Variants in GEMIN5 observed in about 807,000 individuals in gnomAD.
The protein encoded by GEMIN5 is gem nuclear organelle associated protein 5, also known as gem-associated protein 5.
A neutral mutation model predicts 176.9 loss-of-function variants in GEMIN5; 124 were observed. The ratio of observed to expected loss-of-function variants is 0.70; its 90% confidence interval spans 0.61 to 0.81. The LOEUF (loss-of-function observed/expected upper bound fraction) is 0.81, where lower values mean the gene tolerates loss of function less well. GEMIN5 is among the 40% of genes least tolerant of loss of function. GEMIN5 has a pLI of 0.00. For missense variants in GEMIN5, 1,843 were observed against 1,814.6 expected, an observed-to-expected ratio of 1.02 and a Z score of -0.28; for synonymous variants, 673 against 665.2, an observed-to-expected ratio of 1.01 and a Z score of -0.18.
chr5:154,911,617 C>A (rs1211895922), intron 15 of GEMIN5, 110 bp downstream of exon 15: 21 of 873,654 alleles, frequency 2.4e-5, no homozygotes, highest in African/African-American at 3.3e-5. Flanking sequence ...CAGACCCCTG[C>A]CCTACTGACA....
At chr5:154,908,389 C>T (rs1413319452) in intron 15 of GEMIN5, among the ~76,000 whole-genome samples, 1 of 152,078 alleles carries the variant, frequency 6.6e-6, no homozygotes, top group Non-Finnish European at 1.5e-5. Context: ...CCATGTTGGT[C>T]AGGCTGGTCT....
At chr5:154,914,895 C>T (rs944462632) in intron 13 of GEMIN5, among the ~76,000 whole-genome samples, 5 of 152,144 alleles carry the variant, frequency 3.3e-5, no homozygotes, top group Admixed American at 6.5e-5. Flanking sequence ...TATGACAACA[C>T]ATTAAAAATT....
chr5:154,892,412 T>C lies in GEMIN5; in HGVS notation c.3735A>G (p.Glu1245=), dbSNP rs749386099. 1 of 1,614,126 alleles carries C rather than the reference T, an allele frequency of 6.2e-7. No individual in the cohort carries two copies. Among genetic ancestry groups the C allele is most frequent in the South Asian group, 1.1e-5 (1 of 91,068 alleles). ...CGTCAGGGAGAAAGGCTGAGTACAC[T>C]TCCTGCATGATGGTGAAGCTCCCTG... The part of the protein sequence containing the change: ...YDSGSFTIMQ[E]VYSAFLPDGC... The change falls in exon 25 of 28, where the codon GAA becomes GAG. Residue 1245 remains glutamate, a synonymous_variant. Transcript: ENST00000285873.
chr5:154,892,869 T>C (rs962365333), intron 24 of GEMIN5, among the ~76,000 whole-genome samples: 8 of 151,272 alleles, frequency 5.3e-5, no homozygotes, highest in East Asian at 2.0e-4. Flanking sequence ...GAGGCCAAGG[T>C]GGGCAGATCA....
chr5:154,918,256 C>T (rs562924333), intron 11 of GEMIN5, among the ~76,000 whole-genome samples: 1 of 152,244 alleles, frequency 6.6e-6, no homozygotes, highest in Non-Finnish European at 1.5e-5. Context: ...CAGTGCTTAA[C>T]CTTGTGAAAT....
intron 15 of GEMIN5, among the ~76,000 whole-genome samples, chr5:154,911,393 G>C (rs1039360866): frequency 6.6e-6 from 1 of 152,136 alleles, no homozygotes; most frequent in African/African-American, 2.4e-5. Flanking sequence ...CGCACCTGTA[G>C]TCCCAGCTAC....
intron 16 of GEMIN5, among the ~76,000 whole-genome samples, chr5:154,906,437 C>T (rs1270111695): frequency 6.6e-6 from 1 of 152,156 alleles, no homozygotes; most frequent in Non-Finnish European, 1.5e-5. Flanking sequence ...TATTTAATTA[C>T]ACTAACAGGA....
chr5:154,936,245 T>A (rs1020340691), intron 2 of GEMIN5, among the ~76,000 whole-genome samples: 2 of 152,104 alleles, frequency 1.3e-5, no homozygotes, highest in African/African-American at 2.4e-5. Context: ...TGAAACCCCA[T>A]CTCTGCTAAA....
At chr5:154,908,139 CTATT>C (rs1026751883) in intron 15 of GEMIN5, among the ~76,000 whole-genome samples, 8 of 136,994 alleles carry the variant, frequency 5.8e-5, no homozygotes, top group Non-Finnish European at 1.1e-4. Context: ...TCCATACTCT[CTATT>C]TAAGTTCTGC....
At chr5:154,931,944 C>T (rs1380747585) in intron 4 of GEMIN5, among the ~76,000 whole-genome samples, 155 bp downstream of exon 4, 1 of 152,314 alleles carries the variant, frequency 6.6e-6, no homozygotes, top group African/African-American at 2.4e-5. Flanking sequence ...ACCCGGGAGG[C>T]GGAGGTTGCG....
At chr5:154,922,520 A>C (rs920027181) in intron 9 of GEMIN5, among the ~76,000 whole-genome samples, 15 of 152,146 alleles carry the variant, frequency 9.9e-5, no homozygotes, top group Admixed American at 7.2e-4. Context: ...CAATAGCTCT[A>C]GGGCAATACC....
chr5:154,913,117 C>G, intron 13 of GEMIN5, 79 bp from the exon 14 acceptor site: 1 of 1,194,074 alleles, frequency 8.4e-7, no homozygotes, highest in Admixed American at 2.3e-5. Context: ...GGAAGGCATT[C>G]ACATGACAAG....
chr5:154,891,831 A>C (rs702743), intron 25 of GEMIN5, 89 bp from the exon 26 acceptor site: 1,261,474 of 1,289,094 alleles, frequency 0.98, 617,458 homozygotes, highest in Middle Eastern at 0.99. Flanking sequence ...TTTCTTATCA[A>C]CCAAGAAGCA....
chr5:154,923,428 G>C (rs1039947917), intron 9 of GEMIN5, among the ~76,000 whole-genome samples: 1 of 152,086 alleles, frequency 6.6e-6, no homozygotes, highest in Non-Finnish European at 1.5e-5. Flanking sequence ...TTTTCACTCA[G>C]AAATGAATGA....
chr5:154,931,566 T>C lies in GEMIN5; in HGVS notation c.673A>G (p.Ile225Val). The C allele has an allele frequency of 6.2e-7, 1 of 1,600,714 alleles. No homozygotes were observed. Among genetic ancestry groups the C allele is most frequent in the Non-Finnish European group, 8.5e-7 (1 of 1,170,364 alleles). ...NQEETSEEAE[I>V]TNGNAVAQAP... ...TGTGCTACAGCATTCCCGTTGGTAATTTCAGCTTCTTCTATGAGATAGGTG... is the reference window on the plus strand; with the variant it reads ...TGTGCTACAGCATTCCCGTTGGTAACTTCAGCTTCTTCTATGAGATAGGTG... Residue 225 changes from isoleucine (I) to valine (V), a missense_variant, in exon 5 of 28, where the codon ATT becomes GTT. Ile to Val is a conservative substitution (Grantham distance 29, BLOSUM62 3). Transcript: ENST00000285873.
chr5:154,904,022 T>C (rs968819494), intron 18 of GEMIN5, among the ~76,000 whole-genome samples: 12 of 151,908 alleles, frequency 7.9e-5, no homozygotes, highest in Admixed American at 2.0e-4. Context: ...GGACATTAAA[T>C]GAAGACTTTG....
At chr5:154,927,334 C>T in intron 7 of GEMIN5, 51 bp downstream of exon 7, 2 of 1,274,388 alleles carry the variant, frequency 1.6e-6, no homozygotes, top group Non-Finnish European at 2.2e-6. Context: ...TCATCCCACC[C>T]AAGTTGTAAA....
intron 8 of GEMIN5, among the ~76,000 whole-genome samples, chr5:154,925,082 C>G (rs1319167780): frequency 2.6e-5 from 4 of 152,172 alleles, no homozygotes; most frequent in Non-Finnish European, 5.9e-5. Context: ...TTGTATCTCT[C>G]TTTCCAGATA....
rs1763552436 is a variant in GEMIN5 at position 154,905,625 on chromosome 5, AAGAAGT to A, written c.2396-155_2396-150del. ...ACTTTTGAGATAAAATGCACTGGAA[AAGAAGT>A]AGGAGTAGTTTCCCCTTTCCCACCT... On this transcript the variant is annotated intron_variant, in intron 16 of 27. Coordinates refer to ENST00000285873, the MANE Select transcript of GEMIN5 (RefSeq NM_015465.5). 7.2e-6 allele frequency: 3 copies of A among 418,892 alleles called. No individual in the cohort carries two copies. The South Asian group carries it at 1.4e-4, about 20-fold the overall frequency. 25.9% of individuals were successfully genotyped at this position (418,892 alleles called of 1,614,324 possible). A position where few individuals can be genotyped will look rare whatever the true frequency, so the allele number is the denominator to read the frequency against.
Sources: allele counts gnomAD v4.1 joint callset (sites outside exome capture counted in the v4.1 genomes callset), GRCh38; gene constraint gnomAD v4.1.1; transcripts MANE v1.5; gene names NCBI Gene and HGNC (gene_info 2026-07-23, HGNC 2026-07-21).